Variants in PROZ observed in about 807,000 individuals in gnomAD.
PROZ encodes vitamin K-dependent protein Z.
PROZ carries 46 observed loss-of-function variants against 34.9 expected under a neutral mutation model. The observed-to-expected ratio is 1.32, with a 90% CI of 1.04 to 1.69. The LOEUF (loss-of-function observed/expected upper bound fraction) is 1.69. Among genes scored for constraint, PROZ ranks in the 40% most tolerant of loss-of-function variants. The probability of loss-of-function intolerance (pLI) is 0.00; values close to 1 mark genes in which losing one functional copy is unlikely to be tolerated. For missense variants in PROZ, 530 were observed against 520.4 expected, an observed-to-expected ratio of 1.02 and a Z score of -0.18; for synonymous variants, 195 against 208.5, an observed-to-expected ratio of 0.94 and a Z score of 0.56.
intron 6 of PROZ, among the ~76,000 whole-genome samples, chr13:113,168,443 C>CA (rs1343023046): frequency 9.2e-5 from 14 of 152,394 alleles, no homozygotes; most frequent in African/African-American, 3.1e-4. Flanking sequence ...CCCAGGCTGG[C>CA]AGCAGTCCTC....
rs2037122565 is a variant in PROZ, at chr13:113,171,898, T to C, written c.996T>C (p.Asn332=). 3 of 1,613,592 alleles carry C rather than the reference T, an allele frequency of 1.9e-6. No homozygotes were observed. The highest frequency in any genetic ancestry group is 1.3e-5 in the African/African-American group (1 of 74,904). ...VEGEECGQVL[N]VTVTTRTYCE... is the part of the protein sequence containing the mutation. ...GGGAGGAGTGCGGGCAGGTCCTGAA[T>C]GTGACTGTCACCACCAGGACCTACT... Residue 332 remains asparagine (N), a synonymous_variant, in exon 8 of 8, where the codon AAT becomes AAC. Coordinates refer to ENST00000375547, the MANE Select transcript of PROZ (RefSeq NM_003891.3). This position sits in a 1 kb window ranked among gnomAD's most constrained non-coding sequence, Gnocchi z 5.1.
chr13:113,159,951 G>GCT lies in PROZ; in HGVS notation c.71-63_71-62insCT, dbSNP rs1327561157. 23 of 1,597,684 alleles carry GCT rather than the reference G, an allele frequency of 1.4e-5. No homozygotes were observed. Among genetic ancestry groups the GCT allele is most frequent in the Admixed American group, 3.3e-5 (2 of 59,990 alleles). ...TGGCGGCCGGCCGGGGAGGAAGCCA[G>GCT]GCAGCTCTGGAAAGCAGGGCCCTCG... On this transcript the variant is annotated intron_variant, in intron 1 of 7. Coordinates refer to ENST00000375547, the MANE Select transcript of PROZ (RefSeq NM_003891.3). The surrounding 1 kb of genome is among the most constrained non-coding windows in gnomAD (Gnocchi z 4.6).
intron 4 of PROZ, 58 bp from the exon 5 acceptor site, chr13:113,164,455 G>C (rs2036859161): frequency 6.3e-7 from 1 of 1,584,390 alleles, no homozygotes; most frequent in South Asian, 1.1e-5. Flanking sequence ...TGTGTGCAAG[G>C]CTGTGATAAA....
rs529532432 is a variant in PROZ, at chr13:113,159,642, G to A, written c.71-372G>A. On this transcript the variant is annotated intron_variant, in intron 1 of 7. Coordinates refer to ENST00000375547, the MANE Select transcript of PROZ (RefSeq NM_003891.3). The surrounding 1 kb of genome is among the most constrained non-coding windows in gnomAD (Gnocchi z 4.6). ...AAATGCTGCGCACAGAGGCAGCACAGGAGCTGATGGCTCTTGGTCCCCAGT... is the reference window on the plus strand; with the variant it reads ...AAATGCTGCGCACAGAGGCAGCACAAGAGCTGATGGCTCTTGGTCCCCAGT... 1.3e-5 allele frequency among the ~76,000 whole-genome samples: 2 copies of A among 152,356 alleles called. No homozygotes were observed. Among genetic ancestry groups the A allele is most frequent in the East Asian group, 1.9e-4 (1 of 5,190 alleles).
At chr13:113,170,075 G>A (rs1297486539) in intron 6 of PROZ, among the ~76,000 whole-genome samples, 1 of 152,166 alleles carries the variant, frequency 6.6e-6, no homozygotes, top group African/African-American at 2.4e-5. Flanking sequence ...GTTGTTTCTT[G>A]GGGATTACGA....
At chr13:113,169,643 CTAGT>C (rs1337985605) in intron 6 of PROZ, among the ~76,000 whole-genome samples, 1 of 152,222 alleles carries the variant, frequency 6.6e-6, no homozygotes, top group Non-Finnish European at 1.5e-5. Flanking sequence ...AAGTCTAGAG[CTAGT>C]TATTCTGACT....
In PROZ at chr13:113,171,607, G is replaced by T; in HGVS notation, c.705G>T (p.Thr235=). ...TCATGATTTCAGATTTTAACAGAAC[G>T]AGCCAAGACCCGCTGATGATCAAGA... is the stretch of plus-strand genomic sequence containing the variant. The part of the protein sequence containing the change: ...NITVKTYFNR[T]SQDPLMIKIT... The change falls in exon 8 of 8, where the codon ACG becomes ACT. Residue 235 remains threonine, a synonymous_variant. Transcript: ENST00000375547. The surrounding 1 kb of genome is among the most constrained non-coding windows in gnomAD (Gnocchi z 5.1). 6.2e-7 allele frequency: 1 copy of T among 1,614,132 alleles called. No homozygotes were observed.
intron 6 of PROZ, among the ~76,000 whole-genome samples, chr13:113,169,594 T>C (rs776126998): frequency 2.6e-5 from 4 of 152,230 alleles, no homozygotes; most frequent in Non-Finnish European, 5.9e-5. Context: ...CTTTGGCACA[T>C]TGCTCTTAAG....
chr13:113,171,786 G>C lies in PROZ; in HGVS notation c.884G>C (p.Arg295Pro), dbSNP rs3024772. 2 of 1,612,786 alleles carry C rather than the reference G, an allele frequency of 1.2e-6. No individual in the cohort carries two copies. Among genetic ancestry groups the C allele is most frequent in the Non-Finnish European group, 1.7e-6 (2 of 1,179,262 alleles). ...TTCGCTGAGCACCTCCTCATCCCAC[G>C]CACCAGGGGCCTCCTCAGCGGCTGG... is the stretch of plus-strand genomic sequence containing the variant. ...KDFAEHLLIP[R>P]TRGLLSGWAR... Residue 295 changes from arginine (R) to proline (P), a missense_variant, in exon 8 of 8, where the codon CGC becomes CCC. Coordinates refer to ENST00000375547, the MANE Select transcript of PROZ (RefSeq NM_003891.3). This position sits in a 1 kb window ranked among gnomAD's most constrained non-coding sequence, Gnocchi z 5.1.
At chr13:113,166,591 A>C (rs1450993920) in intron 6 of PROZ, among the ~76,000 whole-genome samples, 1 of 152,198 alleles carries the variant, frequency 6.6e-6, no homozygotes, top group Non-Finnish European at 1.5e-5. Flanking sequence ...GGTGGAGAGG[A>C]AGAAACCGAA....
At chr13:113,170,559 A>C (rs1341438346) in intron 7 of PROZ, 29 bp downstream of exon 7, 2 of 1,337,798 alleles carry the variant, frequency 1.5e-6, no homozygotes, top group East Asian at 4.6e-5. Context: ...GTTTTTATAA[A>C]ACCACATTGG....
intron 6 of PROZ, 79 bp downstream of exon 6, chr13:113,165,199 G>T (rs3024735): frequency 6.9e-7 from 1 of 1,443,190 alleles, no homozygotes; most frequent in South Asian, 1.2e-5. Context: ...TAGAAATGTT[G>T]ACAACTAAGT....
chr13:113,164,775 C>G, intron 5 of PROZ, 131 bp downstream of exon 5: 2 of 1,410,060 alleles, frequency 1.4e-6, no homozygotes, highest in Non-Finnish European at 2.0e-6. Context: ...AGAAGGTGGT[C>G]CGCGTCTCCA....
rs1049606809 is a variant in PROZ at position 113,159,498 on chromosome 13, G to C, written c.71-516G>C. On this transcript the variant is annotated intron_variant, in intron 1 of 7. Transcript: ENST00000375547. The surrounding 1 kb of genome is among the most constrained non-coding windows in gnomAD (Gnocchi z 4.6). ...GAGAGAACATGCTTTGGGACCCTCA[G>C]GTGGGAAGAGGCTCCAGAGACCACT... 6.6e-6 allele frequency among the ~76,000 whole-genome samples: 1 copy of C among 152,160 alleles called. No individual in the cohort carries two copies. The highest frequency in any genetic ancestry group is 2.4e-5 in the African/African-American group (1 of 41,442).
rs1222871842 is a variant in PROZ, at chr13:113,172,214, C to T, written c.*109C>T. The T allele has an allele frequency of 3.4e-6, 5 of 1,456,920 alleles. No homozygotes were observed. The Admixed American group carries it at 5.8e-5, about 17-fold the overall frequency. 90.2% of individuals were successfully genotyped at this position (1,456,920 alleles called of 1,614,324 possible). On this transcript the variant is annotated 3_prime_UTR_variant, in exon 8 of 8. Transcript: ENST00000375547. Reference sequence around the variant, plus strand: ...TTCATCACACACTGAGAGGCCGTCACAGCCCCAGACCACCCGCTTGGCCCA... The same window carrying T: ...TTCATCACACACTGAGAGGCCGTCATAGCCCCAGACCACCCGCTTGGCCCA...
intron 2 of PROZ, 62 bp downstream of exon 2, chr13:113,160,239 A>G (rs934702020): frequency 1.3e-6 from 2 of 1,574,588 alleles, no homozygotes; most frequent in African/African-American, 2.7e-5. Context: ...TGGCCCAGGG[A>G]GCATCATTTC....
chr13:113,160,664 G>A (rs2036743694), intron 2 of PROZ, among the ~76,000 whole-genome samples: 1 of 152,222 alleles, frequency 6.6e-6, no homozygotes, highest in African/African-American at 2.4e-5. Flanking sequence ...GGCCACGTTA[G>A]GGGCTGTGGG....
chr13:113,170,393 G>A lies in PROZ; in HGVS notation c.574-20G>A, dbSNP rs2037076570. 7.0e-7 allele frequency: 1 copy of A among 1,421,764 alleles called. No individual in the cohort carries two copies. Among genetic ancestry groups the A allele is most frequent in the African/African-American group, 1.4e-5 (1 of 70,882 alleles). The allele number at this position is 1,421,764 out of a possible 1,614,324, so 88.1% of individuals were successfully genotyped here. ...TGCAAATTGTCACCAGCTATTTATTGTCTGTTTTGATTTTTAAAGGTAAAG... is the reference window on the plus strand; with the variant it reads ...TGCAAATTGTCACCAGCTATTTATTATCTGTTTTGATTTTTAAAGGTAAAG... On this transcript the variant is annotated intron_variant, in intron 6 of 7. Transcript: ENST00000375547.
At chr13:113,161,024 G>C in intron 3 of PROZ, 52 bp downstream of exon 3, 1 of 1,528,550 alleles carries the variant, frequency 6.5e-7, no homozygotes, top group Non-Finnish European at 9.1e-7. Context: ...GGGATGAGGT[G>C]CGTGGGTGGG....
Sources: gnomAD v4.1 joint callset for allele counts (sites outside exome capture counted in the v4.1 genomes callset) on GRCh38, gnomAD v4.1.1 for gene constraint, Gnocchi (gnomAD v3.1) non-coding constraint, MANE v1.5 for transcripts, NCBI Gene and HGNC (gene_info 2026-07-23, HGNC 2026-07-21) for gene names.